The following PDXDC1 variants were observed in gnomAD, a reference collection of about 807,000 sequenced individuals.
PDXDC1 encodes the protein pyridoxal-dependent decarboxylase domain-containing protein 1.
PDXDC1 carries 42 observed loss-of-function variants against 100.1 expected under a neutral mutation model. The ratio of observed to expected loss-of-function variants is 0.42; its 90% CI spans 0.33 to 0.54. The LOEUF is 0.54. Among genes scored for constraint, PDXDC1 ranks in the 20% least tolerant of loss-of-function variants. The pLI is 0.10. For missense variants in PDXDC1, 636 were observed against 979.2 expected, an observed-to-expected ratio of 0.65 and a Z score of 4.68; for synonymous variants, 260 against 371.7, an observed-to-expected ratio of 0.70 and a Z score of 3.46.
chr16:15,096,716 T>C (rs2046369024), intron 16 of PDXDC1, among the ~76,000 whole-genome samples: 1 of 152,280 alleles, frequency 6.6e-6, no homozygotes, highest in Non-Finnish European at 1.5e-5. Context: ...AGGATCTCAT[T>C]GTCTAGCCCA....
At chr16:15,117,704 A>AC in intron 16 of PDXDC1, among the ~76,000 whole-genome samples, 1 of 118,122 alleles carries the variant, frequency 8.5e-6, no homozygotes, top group African/African-American at 3.3e-5. Context: ...GGGTGAGAAA[A>AC]GAAAAAAAAA....
chr16:15,096,987 T>G (rs915574974), intron 16 of PDXDC1, among the ~76,000 whole-genome samples: 2 of 152,172 alleles, frequency 1.3e-5, no homozygotes, highest in African/African-American at 4.8e-5. Context: ...TGAGTCTGGG[T>G]GCAGTGACTC....
chr16:15,104,424 CA>C (rs2046692040), intron 16 of PDXDC1: 1 of 1,437,966 alleles, frequency 7.0e-7, no homozygotes, highest in Non-Finnish European at 9.2e-7. Context: ...TTGAGATTAT[CA>C]TCCGCTGAGG....
downstream of PDXDC1, among the ~76,000 whole-genome samples, chr16:15,141,779 G>A (rs1193118071): frequency 6.6e-6 from 1 of 152,224 alleles, no homozygotes; most frequent in African/African-American, 2.4e-5. Context: ...TGGCGGCTGG[G>A]AGACCAGCAA....
At chr16:15,133,286 G>A in intron 16 of PDXDC1, 10 of 1,580,374 alleles carry the variant, frequency 6.3e-6, no homozygotes, top group South Asian at 2.2e-5. Flanking sequence ...GGTGACCAGG[G>A]CCAGCGAGTA....
chr16:15,093,998 C>A (rs1359007308), intron 16 of PDXDC1: 10 of 719,476 alleles, frequency 1.4e-5, no homozygotes, highest in South Asian at 3.1e-5. Context: ...GAGGAATGAG[C>A]TCATTTCTGT....
At chr16:15,028,619 T>A (rs1399602664) in intron 14 of PDXDC1, among the ~76,000 whole-genome samples, 1 of 152,290 alleles carries the variant, frequency 6.6e-6, no homozygotes, top group East Asian at 1.9e-4. Context: ...AATTGCTGTT[T>A]CCCCTTGAAA....
At chr16:15,053,233 A>T (rs1272557268) in intron 16 of PDXDC1, among the ~76,000 whole-genome samples, 1 of 152,064 alleles carries the variant, frequency 6.6e-6, no homozygotes. Context: ...TGGCTTCACC[A>T]CTCCCAGGAT....
At chr16:14,994,730 C>T (rs1455346984) in intron 1 of PDXDC1, among the ~76,000 whole-genome samples, 2 of 152,302 alleles carry the variant, frequency 1.3e-5, no homozygotes, top group African/African-American at 2.4e-5. Flanking sequence ...TTACCTTGGG[C>T]AGTGTGGCCG....
At chr16:14,990,181 A>G (rs1351753118) in intron 1 of PDXDC1, 19 of 1,192,570 alleles carry the variant, frequency 1.6e-5, no homozygotes, top group South Asian at 3.2e-5. Flanking sequence ...GGCGCGGGCA[A>G]GGGCGCGAGG....
rs1966837465 is a variant in PDXDC1 at position 14,976,341 on chromosome 16, C to T, written c.21+1121C>T. Among the ~76,000 whole-genome samples, 8 of 152,380 alleles carry T rather than the reference C, an allele frequency of 5.3e-5. No individual in the cohort carries two copies. In the South Asian group the frequency reaches 1.4e-3, roughly 28 times the overall value. On this transcript the variant is annotated intron_variant, in intron 1 of 22. Transcript: ENST00000396410. ...TATATTTTGTCTTTTTTCAAGGCAG[C>T]AGCTGCTGTAGATTTTGTTCACTTG... is the stretch of plus-strand genomic sequence containing the variant.
intron 16 of PDXDC1, among the ~76,000 whole-genome samples, chr16:15,109,996 A>G (rs1765359874): frequency 6.8e-6 from 1 of 147,308 alleles, no homozygotes. Flanking sequence ...TCTAGTAAAA[A>G]TACAAAAATT....
chr16:15,094,128 A>G, intron 16 of PDXDC1: 4 of 1,584,216 alleles, frequency 2.5e-6, no homozygotes, highest in Non-Finnish European at 3.4e-6. Flanking sequence ...CGCAGAAGGA[A>G]GCGGCCTGAA....
chr16:15,126,113 C>CA (rs1288116782), intron 16 of PDXDC1, among the ~76,000 whole-genome samples: 1 of 151,942 alleles, frequency 6.6e-6, no homozygotes, highest in Non-Finnish European at 1.5e-5. Flanking sequence ...CAGCTCACTG[C>CA]AACCTCCACC....
At chr16:15,026,189 G>A (rs2042587746) in intron 13 of PDXDC1, 1 of 169,744 alleles carries the variant, frequency 5.9e-6, no homozygotes. Context: ...GATTAATTGA[G>A]GCCAAGAGTT....
At chr16:15,008,748 T>C (rs1293149687) in intron 6 of PDXDC1, 31 bp from the exon 7 acceptor site, 1 of 1,609,794 alleles carries the variant, frequency 6.2e-7, no homozygotes, top group Admixed American at 1.7e-5. Flanking sequence ...GCAGAGAGCT[T>C]TCTTGTCAAG....
Position 15,036,403 on chromosome 16 carries a change from C to G in PDXDC1, c.*128C>G. The G allele has an allele frequency of 2.2e-6, 2 of 928,010 alleles. No individual in the cohort carries two copies. The highest frequency in any genetic ancestry group is 3.3e-6 in the Non-Finnish European group (2 of 612,532). The allele number at this position is 928,010 out of a possible 1,614,324, so 57.5% of individuals were successfully genotyped here. ...TTTGTGCTTCACTGGGATTTTGGCA[C>G]AAATATGTGCCTGAAAGGTAGGCTT... On this transcript the variant is annotated 3_prime_UTR_variant, in exon 23 of 23. Transcript: ENST00000396410.
chr16:15,047,653 C>T, intron 16 of PDXDC1: 1 of 981,210 alleles, frequency 1.0e-6, no homozygotes. Context: ...CTTTGAATAT[C>T]CTGTAGGGGA....
intron 16 of PDXDC1, chr16:15,127,419 C>T (rs767146595): frequency 1.3e-4 from 184 of 1,459,244 alleles, no homozygotes; most frequent in African/African-American, 2.4e-4. Flanking sequence ...GGCATGGTGC[C>T]GAGGCCCAGG....
Sources: gnomAD v4.1 joint callset for allele counts (sites outside exome capture counted in the v4.1 genomes callset) on GRCh38, gnomAD v4.1.1 for gene constraint, MANE v1.5 for transcripts, NCBI Gene and HGNC (gene_info 2026-07-23, HGNC 2026-07-21) for gene names.